Variants in GADL1 observed in about 807,000 individuals in gnomAD.
GADL1 encodes the protein GAD like acidic amino acid decarboxylase 1.
Under a neutral mutation model 69.5 loss-of-function variants are expected in GADL1, and 71 were observed. That is an observed-to-expected ratio of 1.02 (90% CI 0.84 to 1.25). GADL1 has a LOEUF of 1.25. GADL1 is among the 50% of genes most tolerant of loss of function. The probability of loss-of-function intolerance (pLI) is 0.00; values close to 1 mark genes in which losing one functional copy is unlikely to be tolerated. For synonymous variants in GADL1, 254 were observed against 214.4 expected (o/e 1.18, Z -1.62); for missense variants, 737 against 631.8 (o/e 1.17, Z -1.79).
At chr3:30,783,356 G>A (rs1371533535) in intron 13 of GADL1, among the ~76,000 whole-genome samples, 4 of 152,122 alleles carry the variant, frequency 2.6e-5, no homozygotes, top group African/African-American at 9.7e-5. Context: ...GATTTTCAGG[G>A]GCCTATGAAT....
intron 14 of GADL1, among the ~76,000 whole-genome samples, chr3:30,773,295 C>A (rs1163159034): frequency 1.3e-5 from 2 of 151,828 alleles, no homozygotes; most frequent in African/African-American, 4.8e-5. Context: ...TTTTTTCTGG[C>A]CCTTGGGGGA....
intron 14 of GADL1, among the ~76,000 whole-genome samples, chr3:30,770,991 A>ATTACTT (rs1461427250): frequency 6.6e-6 from 1 of 152,238 alleles, no homozygotes; most frequent in African/African-American, 2.4e-5. Context: ...AACAAATTTT[A>ATTACTT]TGCGTTGAAA....
At chr3:30,809,100 C>A (rs1158581458) in intron 11 of GADL1, among the ~76,000 whole-genome samples, 1 of 152,206 alleles carries the variant, frequency 6.6e-6, no homozygotes, top group East Asian at 1.9e-4. Context: ...TGTCTACTCA[C>A]AATATTTCTG....
chr3:30,866,943 A>G (rs113110970), intron 1 of GADL1, among the ~76,000 whole-genome samples: 73 of 152,150 alleles, frequency 4.8e-4, no homozygotes, highest in Admixed American at 1.8e-3. Context: ...CATCTTATCT[A>G]ACCTTTTCAT....
At chr3:30,862,360 A>G (rs1468513054) in intron 1 of GADL1, among the ~76,000 whole-genome samples, 1 of 152,040 alleles carries the variant, frequency 6.6e-6, no homozygotes, top group African/African-American at 2.4e-5. Flanking sequence ...TCTAGAATTA[A>G]CACCACCTCT....
At chr3:30,796,553 G>T (rs184635655) in intron 12 of GADL1, among the ~76,000 whole-genome samples, 1 of 152,160 alleles carries the variant, frequency 6.6e-6, no homozygotes, top group Non-Finnish European at 1.5e-5. Flanking sequence ...AACTTTCCTC[G>T]GGATTGTTGA....
intron 14 of GADL1, among the ~76,000 whole-genome samples, chr3:30,756,380 A>G (rs1695970203): frequency 6.6e-6 from 1 of 151,832 alleles, no homozygotes; most frequent in Non-Finnish European, 1.5e-5. Flanking sequence ...GTCAAGCCAT[A>G]AAACACTCTA....
chr3:30,796,812 C>T (rs976766724), intron 12 of GADL1, among the ~76,000 whole-genome samples: 3 of 152,088 alleles, frequency 2.0e-5, no homozygotes, highest in African/African-American at 7.2e-5. Flanking sequence ...TTAATGTTTC[C>T]ATCGCTTACT....
At chr3:30,730,358 G>A (rs1478206721) in intron 14 of GADL1, among the ~76,000 whole-genome samples, 4 of 152,196 alleles carry the variant, frequency 2.6e-5, no homozygotes, top group Non-Finnish European at 5.9e-5. Flanking sequence ...GGAAAGAAGA[G>A]ATAAAGGGGG....
At chr3:30,786,146 A>G (rs1489370119) in intron 13 of GADL1, among the ~76,000 whole-genome samples, 1 of 152,246 alleles carries the variant, frequency 6.6e-6, no homozygotes, top group Non-Finnish European at 1.5e-5. Context: ...TTAATTTTCA[A>G]TACTTAAAGG....
chr3:30,823,443 G>C (rs1001664504), intron 11 of GADL1, among the ~76,000 whole-genome samples: 6 of 151,930 alleles, frequency 3.9e-5, no homozygotes, highest in African/African-American at 1.4e-4. Flanking sequence ...ATGAAGTGGA[G>C]GTACAGGCTA....
intron 12 of GADL1, among the ~76,000 whole-genome samples, chr3:30,788,369 G>A (rs560746887): frequency 3.3e-5 from 5 of 152,160 alleles, no homozygotes; most frequent in African/African-American, 1.2e-4. Flanking sequence ...AGTTTACAAT[G>A]GCATTATGTC....
chr3:30,816,915 G>A (rs2125515694), intron 11 of GADL1, among the ~76,000 whole-genome samples: 1 of 152,160 alleles, frequency 6.6e-6, no homozygotes, highest in East Asian at 1.9e-4. Context: ...TAGCATCTTA[G>A]GGTGAAGAGT....
chr3:30,841,450 C>T lies in GADL1; in HGVS notation c.787-2337G>A, dbSNP rs373232718. Among the ~76,000 whole-genome samples, 48 of 152,066 alleles carry T rather than the reference C, an allele frequency of 3.2e-4. 1 individual carries two copies. The highest frequency in any genetic ancestry group is 1.1e-3 in the African/African-American group (46 of 41,484). On this transcript the variant is annotated intron_variant, in intron 8 of 14. Coordinates refer to ENST00000282538, the MANE Select transcript of GADL1 (RefSeq NM_207359.3). Reference sequence around the variant, plus strand: ...CTGTGGTGGAATAAAACCCTCTATGCTAGAAACATGAATTCCTAATGACAC... The same window carrying T: ...CTGTGGTGGAATAAAACCCTCTATGTTAGAAACATGAATTCCTAATGACAC...
At chr3:30,771,186 C>T (rs986701756) in intron 14 of GADL1, among the ~76,000 whole-genome samples, 1 of 152,146 alleles carries the variant, frequency 6.6e-6, no homozygotes, top group Admixed American at 6.5e-5. Context: ...TGAGTATTCC[C>T]TGCCCTTCAG....
intron 11 of GADL1, among the ~76,000 whole-genome samples, chr3:30,823,273 A>AT (rs1223654043): frequency 6.6e-6 from 1 of 151,992 alleles, no homozygotes; most frequent in Non-Finnish European, 1.5e-5. Context: ...GGGAACAAAG[A>AT]TTGAGGTCCT....
chr3:30,787,872 T>C (rs950731997), intron 12 of GADL1, among the ~76,000 whole-genome samples: 2 of 152,180 alleles, frequency 1.3e-5, no homozygotes, highest in Non-Finnish European at 2.9e-5. Context: ...AATGTGAATA[T>C]GGAATACACT....
At chr3:30,753,056 C>G (rs1441653166) in intron 14 of GADL1, among the ~76,000 whole-genome samples, 2 of 152,134 alleles carry the variant, frequency 1.3e-5, no homozygotes, top group African/African-American at 2.4e-5. Flanking sequence ...AAACCAGCTA[C>G]TCTTTAAAAT....
At chr3:30,794,734 A>C (rs545270752) in intron 12 of GADL1, among the ~76,000 whole-genome samples, 36 of 152,312 alleles carry the variant, frequency 2.4e-4, no homozygotes, top group African/African-American at 8.4e-4. Flanking sequence ...CAACCCATAA[A>C]ATTGGAATCA....
Sources: allele counts gnomAD v4.1 joint callset (sites outside exome capture counted in the v4.1 genomes callset), GRCh38; gene constraint gnomAD v4.1.1; transcripts MANE v1.5; gene names NCBI Gene and HGNC (gene_info 2026-07-23, HGNC 2026-07-21).